The following PPP1R13L variants were observed in gnomAD, a reference collection of about 807,000 sequenced individuals.
The protein encoded by PPP1R13L is relA-associated inhibitor.
A neutral mutation model predicts 80.9 loss-of-function variants in PPP1R13L; 50 were observed. That is an observed-to-expected ratio of 0.62 (90% confidence interval 0.49 to 0.78). The LOEUF (loss-of-function observed/expected upper bound fraction) is 0.78, where lower values mean the gene tolerates loss of function less well. Ranked by LOEUF, PPP1R13L falls within the 30% of genes least tolerant of loss-of-function variation. The pLI is 0.00. For synonymous variants in PPP1R13L, 602 were observed against 534.3 expected, an observed-to-expected ratio of 1.13 and a Z score of -1.75; for missense variants, 1,200 against 1,205.9, an observed-to-expected ratio of 1.00 and a Z score of 0.07.
Position 45,392,047 on chromosome 19 carries a change from G to A in PPP1R13L, c.1648C>T (p.Leu550Phe), listed in dbSNP as rs2123371480. ...KKQYQQIISR[L>F]FHRHGGPGPG... The stretch of plus-strand genomic sequence containing the variant: ...CCTGGCCCCCCATGACGATGGAAGA[G>A]GCGGCTGATGATCTGCTGGTACTGT... Residue 550 changes from leucine to phenylalanine, a missense_variant, in exon 8 of 13, where the codon CTC (leucine) becomes TTC (phenylalanine). Around this residue, in one of 5 missense-constraint regions of PPP1R13L, gnomAD observed 53 missense variants for 96.5 expected, o/e 0.55. Coordinates refer to ENST00000360957, the MANE Select transcript of PPP1R13L (RefSeq NM_006663.4). 6.5e-7 allele frequency: 1 copy of A among 1,542,560 alleles called. No individual in the cohort carries two copies. The highest frequency in any genetic ancestry group is 2.3e-5 in the East Asian group (1 of 44,220).
intron 8 of PPP1R13L, among the ~76,000 whole-genome samples, chr19:45,389,174 T>C (rs34262471): frequency 6.6e-6 from 1 of 152,368 alleles, no homozygotes; most frequent in Non-Finnish European, 1.5e-5. Context: ...GCCAGGACTC[T>C]GTGATTCTAC....
chr19:45,402,233 TGTAA>T lies in PPP1R13L; in HGVS notation c.-22+2762_-22+2765del, dbSNP rs1464671884. On this transcript the variant is annotated intron_variant, in intron 1 of 12. Transcript: ENST00000360957. The stretch of plus-strand genomic sequence containing the variant: ...AAGTCTGTGCAGCCCTAATGCCAGC[TGTAA>T]GTGACTCTTTTTTTTTCTTTTGGTA... 6 of 152,050 alleles carry T rather than the reference TGTAA, an allele frequency of 3.9e-5. No individual in the cohort carries two copies. The East Asian group carries it at 9.6e-4, about 24-fold the overall frequency. 9.4% of individuals were successfully genotyped at this position (152,050 alleles called of 1,614,324 possible).
At chr19:45,397,080 G>C in intron 3 of PPP1R13L, 22 bp from the exon 4 acceptor site, 4 of 1,293,150 alleles carry the variant, frequency 3.1e-6, no homozygotes, top group Non-Finnish European at 3.9e-6. Flanking sequence ...CCAGGGCATT[G>C]AGGGATGGAT....
chr19:45,397,920 G>T, intron 3 of PPP1R13L, 85 bp downstream of exon 3: 1 of 1,504,796 alleles, frequency 6.6e-7, no homozygotes, highest in East Asian at 2.3e-5. Flanking sequence ...TAACTATATG[G>T]GGCAATTTTG....
At chr19:45,380,359 A>C in intron 12 of PPP1R13L, 131 bp from the exon 13 acceptor site, 1 of 988,570 alleles carries the variant, frequency 1.0e-6, no homozygotes, top group South Asian at 1.4e-5. Flanking sequence ...CTGCTCCAGA[A>C]TCCAAGTTCT....
At position 45,385,631 on chromosome 19, in the gene PPP1R13L, C is replaced by G. The variant is rs748797570; in HGVS notation, c.2179G>C (p.Gly727Arg). 2 of 1,613,150 alleles carry G rather than the reference C, an allele frequency of 1.2e-6. No homozygotes were observed. Among genetic ancestry groups the G allele is most frequent in the Non-Finnish European group, 8.5e-7 (1 of 1,179,900 alleles). Residue 727 changes from glycine (G) to arginine (R), a missense_variant, in exon 11 of 13, where the codon GGC becomes CGC. Gly to Arg is a moderately radical substitution (Grantham distance 125). Transcript: ENST00000360957. ...AAIFATTLSDGATAFEKCDPY... is the reference protein window; with the variant it reads ...AAIFATTLSDRATAFEKCDPY... ...TCGCACTTCTCGAAGGCGGTGGCGC[C>G]GTCGCTGAGCGTGGTGGCGAAGATT...
intron 1 of PPP1R13L, among the ~76,000 whole-genome samples, chr19:45,400,400 C>T (rs79725838): frequency 2.6e-5 from 4 of 151,768 alleles, no homozygotes; most frequent in East Asian, 1.9e-4. Flanking sequence ...CCTGCTGCAT[C>T]GACCACTTAG....
At position 45,396,712 on chromosome 19, in the gene PPP1R13L, C is replaced by T. The variant is rs770627267; in HGVS notation, c.545G>A (p.Gly182Asp). 6 of 1,400,134 alleles carry T rather than the reference C, an allele frequency of 4.3e-6. No homozygotes were observed. In the East Asian group the frequency reaches 1.4e-4, roughly 32 times the overall value. 86.7% of individuals were successfully genotyped at this position (1,400,134 alleles called of 1,614,324 possible). ...CGCCAGGGGGCTGCCGCGGGGGGAG[C>T]CTGCGCGGCCCAGGAAGTCGAAAGG... ...PTPFDFLGRA[G>D]SPRGSPLAEG... The change falls in exon 4 of 13, where the codon GGC (glycine) becomes GAC (aspartate). Residue 182 changes from glycine (G) to aspartate (D), a missense_variant. Around this residue, in one of 5 missense-constraint regions of PPP1R13L, gnomAD observed 764 missense variants for 714.5 expected, o/e 1.07. Coordinates refer to ENST00000360957, the MANE Select transcript of PPP1R13L (RefSeq NM_006663.4). This position sits in a 1 kb window ranked among gnomAD's most constrained non-coding sequence, Gnocchi z 5.3.
Position 45,385,610 on chromosome 19 carries a change from A to T in PPP1R13L, c.2200T>A (p.Cys734Ser). 3 of 1,613,182 alleles carry T rather than the reference A, an allele frequency of 1.9e-6. No homozygotes were observed. The South Asian group carries it at 3.3e-5, about 18-fold the overall frequency. Residue 734 changes from cysteine to serine, a missense_variant, in exon 11 of 13, where the codon TGC becomes AGC. Physicochemically the swap from Cys to Ser is moderately radical, Grantham distance 112. Transcript: ENST00000360957. The stretch of plus-strand genomic sequence containing the variant: ...GCATAACCCTCGCGGTAAGGGTCGC[A>T]CTTCTCGAAGGCGGTGGCGCCGTCG... ...LSDGATAFEK[C>S]DPYREGYADC...
intron 1 of PPP1R13L, among the ~76,000 whole-genome samples, chr19:45,399,399 C>T (rs1051930527): frequency 7.4e-4 from 106 of 142,424 alleles, no homozygotes; most frequent in African/African-American, 2.6e-3. Context: ...CCAAGGAGGG[C>T]GGATCACGAG....
intron 12 of PPP1R13L, 58 bp downstream of exon 12, chr19:45,382,469 C>T (rs1599760915): frequency 6.4e-7 from 1 of 1,569,524 alleles, no homozygotes; most frequent in East Asian, 2.3e-5. Context: ...TGTGGGATCC[C>T]CCTTTTCCCC....
Position 45,382,757 on chromosome 19 carries a change from G to T in PPP1R13L, c.2249-31C>A, listed in dbSNP as rs1455284146. On this transcript the variant is annotated intron_variant, in intron 11 of 12. Transcript: ENST00000360957. ...ACATGCCACGGAGGGGAAGGTGAGA[G>T]CCTGGCCCAGGGGGTCCAGGAACAG... 1.9e-6 allele frequency: 3 copies of T among 1,611,260 alleles called. No homozygotes were observed. In the African/African-American group the frequency reaches 4.0e-5, roughly 22 times the overall value.
Position 45,397,071 on chromosome 19 carries a change from C to T in PPP1R13L, c.199-13G>A. On this transcript the variant is annotated splice_polypyrimidine_tract_variant and intron_variant, in intron 3 of 12. Coordinates refer to ENST00000360957, the MANE Select transcript of PPP1R13L (RefSeq NM_006663.4). ...TGTACCGGGGCGGCTGTGGGGAGGC[C>T]AGGGCATTGAGGGATGGATCAAAGG... 2.3e-6 allele frequency: 3 copies of T among 1,299,208 alleles called. No individual in the cohort carries two copies. Among genetic ancestry groups the T allele is most frequent in the Non-Finnish European group, 2.9e-6 (3 of 1,023,952 alleles). 80.5% of individuals were successfully genotyped at this position (1,299,208 alleles called of 1,614,324 possible).
intron 1 of PPP1R13L, among the ~76,000 whole-genome samples, chr19:45,403,174 G>A (rs1247847262): frequency 1.3e-5 from 2 of 152,166 alleles, no homozygotes; most frequent in African/African-American, 4.8e-5. Context: ...TATAAGCCGT[G>A]ATTAGAACAA....
Position 45,395,584 on chromosome 19 carries a change from G to A in PPP1R13L, c.1206C>T (p.Pro402=), listed in dbSNP as rs1599772829. Residue 402 remains proline, a synonymous_variant, in exon 7 of 13, where the codon CCC becomes CCT. Transcript: ENST00000360957. ...GTGGTTGGGGCTGCAGCTTAGGCGGGGGTGCTCGGGTGAAGAGGGGGGACC... is the reference window on the plus strand; with the variant it reads ...GTGGTTGGGGCTGCAGCTTAGGCGGAGGTGCTCGGGTGAAGAGGGGGGACC... ...LPGSPLFTRA[P]PPKLQPQPQP... 6.8e-7 allele frequency: 1 copy of A among 1,476,564 alleles called. No homozygotes were observed. Among genetic ancestry groups the A allele is most frequent in the Non-Finnish European group, 9.0e-7 (1 of 1,116,344 alleles). 91.5% of individuals were successfully genotyped at this position (1,476,564 alleles called of 1,614,324 possible).
At position 45,385,611 on chromosome 19, in the gene PPP1R13L, C is replaced by A. The variant is rs1972849797; in HGVS notation, c.2199G>T (p.Lys733Asn). 2 of 1,613,130 alleles carry A rather than the reference C, an allele frequency of 1.2e-6. No homozygotes were observed. The highest frequency in any genetic ancestry group is 1.7e-6 in the Non-Finnish European group (2 of 1,179,914). The change falls in exon 11 of 13, where the codon AAG becomes AAT. Residue 733 changes from lysine to asparagine, a missense_variant. By Grantham distance (94) the Lys-to-Asn change is moderately conservative. This residue lies in a region of PPP1R13L where 165 missense variants were observed against 177.1 expected (regional missense o/e 0.93). Coordinates refer to ENST00000360957, the MANE Select transcript of PPP1R13L (RefSeq NM_006663.4). ...TLSDGATAFE[K>N]CDPYREGYAD... ...CATAACCCTCGCGGTAAGGGTCGCA[C>A]TTCTCGAAGGCGGTGGCGCCGTCGC...
Position 45,396,729 on chromosome 19 carries a change from G to T in PPP1R13L, c.528C>A (p.Asp176Glu). 2 of 1,387,834 alleles carry T rather than the reference G, an allele frequency of 1.4e-6. No homozygotes were observed. Among genetic ancestry groups the T allele is most frequent in the Non-Finnish European group, 1.9e-6 (2 of 1,080,166 alleles). 86.0% of individuals were successfully genotyped at this position (1,387,834 alleles called of 1,614,324 possible). ...LRQQGPPTPF[D>E]FLGRAGSPRG... is the part of the protein sequence containing the mutation. The stretch of plus-strand genomic sequence containing the variant: ...GGGGGGAGCCTGCGCGGCCCAGGAA[G>T]TCGAAAGGCGTGGGGGGACCCTGCT... Residue 176 changes from aspartate to glutamate, a missense_variant, in exon 4 of 13, where the codon GAC becomes GAA. This residue lies in a region of PPP1R13L where 764 missense variants were observed against 714.5 expected (regional missense o/e 1.07). Coordinates refer to ENST00000360957, the MANE Select transcript of PPP1R13L (RefSeq NM_006663.4). The surrounding 1 kb of genome is among the most constrained non-coding windows in gnomAD (Gnocchi z 5.3).
At chr19:45,389,193 G>A (rs776638232) in intron 8 of PPP1R13L, among the ~76,000 whole-genome samples, 23 of 152,114 alleles carry the variant, frequency 1.5e-4, no homozygotes, top group Non-Finnish European at 2.6e-4. Context: ...ACAATGGGAT[G>A]CTCAGCCATT....
chr19:45,387,044 G>A (rs1972884629), intron 8 of PPP1R13L, among the ~76,000 whole-genome samples: 1 of 151,870 alleles, frequency 6.6e-6, no homozygotes, highest in Non-Finnish European at 1.5e-5. Flanking sequence ...TGAGGTGGGA[G>A]GATCACTTGA....
Sources: gnomAD v4.1 joint callset for allele counts (sites outside exome capture counted in the v4.1 genomes callset) on GRCh38, gnomAD v4.1.1 for gene constraint, gnomAD v4.1.1 regional missense constraint, Gnocchi (gnomAD v3.1) non-coding constraint, MANE v1.5 for transcripts, NCBI Gene and HGNC (gene_info 2026-07-23, HGNC 2026-07-21) for gene names.